MATN2: variants seen among roughly 807,000 people sequenced by gnomAD.
MATN2 encodes matrilin-2.
A neutral mutation model predicts 103.2 loss-of-function variants in MATN2; 69 were observed. The observed-to-expected ratio is 0.67, with a 90% CI of 0.55 to 0.82. MATN2 has a LOEUF of 0.82. Among genes scored for constraint, MATN2 ranks in the 40% least tolerant of loss-of-function variants. The pLI, the probability that MATN2 is intolerant of heterozygous loss-of-function variation, is 0.00. For synonymous variants in MATN2, 429 were observed against 450.2 expected, an observed-to-expected ratio of 0.95 and a Z score of 0.60; for missense variants, 1,023 against 1,211.5, an observed-to-expected ratio of 0.84 and a Z score of 2.31.
At chr8:97,876,616 G>A (rs1401031425) in intron 1 of MATN2, among the ~76,000 whole-genome samples, 2 of 152,148 alleles carry the variant, frequency 1.3e-5, no homozygotes, top group African/African-American at 4.8e-5. Context: ...AAGCCACTGC[G>A]CCTGGCCTAC....
At chr8:98,018,213 G>A (rs1233428201) in intron 12 of MATN2, 97 bp downstream of exon 12, 1 of 1,473,462 alleles carries the variant, frequency 6.8e-7, no homozygotes, top group Non-Finnish European at 9.3e-7. Flanking sequence ...TATTACCACT[G>A]TCACAAGTGT....
chr8:98,027,979 C>A, intron 14 of MATN2, 150 bp downstream of exon 14: 1 of 737,064 alleles, frequency 1.4e-6, no homozygotes, highest in Non-Finnish European at 2.0e-6. Context: ...ACTACCCTGC[C>A]ACCTAGAAGC....
chr8:98,018,368 A>G (rs184520517), intron 12 of MATN2, among the ~76,000 whole-genome samples: 3 of 152,234 alleles, frequency 2.0e-5, no homozygotes, highest in Admixed American at 2.0e-4. Flanking sequence ...CCCTTTCCAC[A>G]GTAGCTGTGT....
At chr8:98,027,281 A>G (rs2130445132) in intron 13 of MATN2, 135 bp from the exon 14 acceptor site, 1 of 664,862 alleles carries the variant, frequency 1.5e-6, no homozygotes. Flanking sequence ...CAACTCATCT[A>G]TCCTGTGTAT....
intron 4 of MATN2, among the ~76,000 whole-genome samples, chr8:97,955,483 T>C (rs1811116058): frequency 6.6e-6 from 1 of 152,182 alleles, no homozygotes; most frequent in Non-Finnish European, 1.5e-5. Context: ...AAGTTAGCTA[T>C]TCTAAAAATT....
At chr8:97,884,123 CTTTCTTTTT>C (rs1403436834) in intron 1 of MATN2, among the ~76,000 whole-genome samples, 1 of 150,180 alleles carries the variant, frequency 6.7e-6, no homozygotes, top group Non-Finnish European at 1.5e-5. Flanking sequence ...GCAGTGTATA[CTTTCTTTTT>C]TTTCTTTTTT....
chr8:97,948,852 G>GA (rs1334860281), intron 4 of MATN2, among the ~76,000 whole-genome samples: 2 of 150,990 alleles, frequency 1.3e-5, no homozygotes, highest in Non-Finnish European at 3.0e-5. Flanking sequence ...AAACATAAAA[G>GA]AAAAAAATCA....
chr8:97,897,475 C>G (rs1818852468), intron 2 of MATN2, among the ~76,000 whole-genome samples: 1 of 152,208 alleles, frequency 6.6e-6, no homozygotes. Flanking sequence ...GGGAGCCAGC[C>G]TCTTACAGCA....
At chr8:97,980,209 C>A (rs148584405) in intron 6 of MATN2, among the ~76,000 whole-genome samples, 1 of 152,258 alleles carries the variant, frequency 6.6e-6, no homozygotes, top group African/African-American at 2.4e-5. Context: ...AGTCTCCATG[C>A]CCCGTGCATG....
At chr8:97,918,434 A>G (rs758049134) in intron 2 of MATN2, among the ~76,000 whole-genome samples, 3 of 152,232 alleles carry the variant, frequency 2.0e-5, no homozygotes, top group Non-Finnish European at 2.9e-5. Context: ...AAGGTGGCTT[A>G]TAGATTGATG....
chr8:97,999,163 G>T (rs778016974), intron 7 of MATN2, among the ~76,000 whole-genome samples: 1 of 152,184 alleles, frequency 6.6e-6, no homozygotes, highest in Non-Finnish European at 1.5e-5. Flanking sequence ...GTTGTAGGAC[G>T]TGTCAGAATT....
chr8:98,033,634 A>C lies in MATN2; in HGVS notation c.2790A>C (p.Glu930Asp). The change falls in exon 18 of 19, where the codon GAA (glutamate) becomes GAC (aspartate). Residue 930 changes from glutamate to aspartate, a missense_variant. Transcript: ENST00000254898. ...TAATGTTCCAGAACCTTGCAAACGA[A>C]GAAGTAAGAAAATTAACACAGCGCT... ...NLIMFQNLAN[E>D]EVRKLTQRLE... is the part of the protein sequence containing the mutation. 1 of 1,605,658 alleles carries C rather than the reference A, an allele frequency of 6.2e-7. No individual in the cohort carries two copies. Among genetic ancestry groups the C allele is most frequent in the Non-Finnish European group, 8.5e-7 (1 of 1,175,626 alleles).
At position 98,005,111 on chromosome 8, in the gene MATN2, A is replaced by C. The variant is rs1349299566; in HGVS notation, c.1327+1328A>C. 6.6e-6 allele frequency among the ~76,000 whole-genome samples: 1 copy of C among 152,210 alleles called. No homozygotes were observed. Among genetic ancestry groups the C allele is most frequent in the Non-Finnish European group, 1.5e-5 (1 of 68,032 alleles). ...CCTGGGCTCCACGCTGCCAGCAGGG[A>C]AGTTTCCCAGATGAAATAAGAGGTC... On this transcript the variant is annotated intron_variant, in intron 8 of 18. Transcript: ENST00000254898. The surrounding 1 kb of genome is among the most constrained non-coding windows in gnomAD (Gnocchi z 4.6).
At chr8:98,026,733 C>T (rs1454203157) in intron 13 of MATN2, among the ~76,000 whole-genome samples, 1 of 152,130 alleles carries the variant, frequency 6.6e-6, no homozygotes. Context: ...AGGAGGAACT[C>T]ACAGACTGGA....
chr8:98,032,578 C>A (rs1173631655), intron 16 of MATN2, among the ~76,000 whole-genome samples: 2 of 152,098 alleles, frequency 1.3e-5, no homozygotes, highest in Admixed American at 1.3e-4. Context: ...GTTGCCCAGG[C>A]TGGAGTGCAG....
intron 3 of MATN2, 28 bp from the exon 4 acceptor site, chr8:97,941,749 A>G: frequency 6.4e-7 from 1 of 1,559,112 alleles, no homozygotes; most frequent in Non-Finnish European, 8.7e-7. Flanking sequence ...ATCACTGTTG[A>G]CTTACCTTCC....
At chr8:97,886,716 G>A (rs1354132498) in intron 1 of MATN2, among the ~76,000 whole-genome samples, 1 of 152,076 alleles carries the variant, frequency 6.6e-6, no homozygotes. Context: ...ACAGTTCGCT[G>A]AAATAGTGAG....
At position 97,941,835 on chromosome 8, in the gene MATN2, TG is replaced by T; in HGVS notation, c.773del (p.Gly258AlafsTer38). ...GTGCCCACTTCTGCATCAACATCCC[TG>T]GCTCATACGTCTGCAGGTGCAAACA... ...NCAHFCINIP[G>X]SYVCRCKQGY... is the part of the protein sequence containing the mutation. On this transcript the variant is annotated frameshift_variant, in exon 4 of 19. Transcript: ENST00000254898. LOFTEE classifies it high-confidence loss of function. 1 of 1,613,266 alleles carries T rather than the reference TG, an allele frequency of 6.2e-7. No homozygotes were observed. Among genetic ancestry groups the T allele is most frequent in the South Asian group, 1.1e-5 (1 of 90,916 alleles).
chr8:97,994,634 G>C, intron 7 of MATN2, 32 bp downstream of exon 7: 1 of 1,597,476 alleles, frequency 6.3e-7, no homozygotes, highest in Non-Finnish European at 8.5e-7. Flanking sequence ...AGAAGGGCTT[G>C]TTCTGCTAAA....
Sources: allele counts gnomAD v4.1 joint callset (sites outside exome capture counted in the v4.1 genomes callset), GRCh38; gene constraint gnomAD v4.1.1; non-coding constraint Gnocchi (gnomAD v3.1); transcripts MANE v1.5; gene names NCBI Gene and HGNC (gene_info 2026-07-23, HGNC 2026-07-21).